FEZ2: variants seen among roughly 807,000 people sequenced by gnomAD.
FEZ2 encodes the protein fasciculation and elongation protein zeta 2, also known as fasciculation and elongation protein zeta-2.
In FEZ2, 51 loss-of-function variants were observed where a neutral mutation model predicts 40.4. The ratio of observed to expected loss-of-function variants is 1.26; its 90% confidence interval spans 1.01 to 1.59. The LOEUF is 1.59. Among genes scored for constraint, FEZ2 ranks in the 40% most tolerant of loss-of-function variants. FEZ2 has a pLI of 0.00. For missense variants in FEZ2, 640 were observed against 438.3 expected, an observed-to-expected ratio of 1.46 and a Z score of -4.11; for synonymous variants, 242 against 172.0, an observed-to-expected ratio of 1.41 and a Z score of -3.18.
intron 1 of FEZ2, among the ~76,000 whole-genome samples, chr2:36,597,187 G>A (rs976253017): frequency 6.6e-6 from 1 of 151,934 alleles, no homozygotes; most frequent in Non-Finnish European, 1.5e-5. Flanking sequence ...CCTAAATGCT[G>A]CCTCGCACGT....
chr2:36,578,455 A>G, intron 5 of FEZ2, 142 bp downstream of exon 5: 1 of 900,518 alleles, frequency 1.1e-6, no homozygotes. Flanking sequence ...GTATTCTGGA[A>G]TAAAATCCCA....
At chr2:36,563,902 T>C (rs941223425) in intron 5 of FEZ2, among the ~76,000 whole-genome samples, 1 of 152,192 alleles carries the variant, frequency 6.6e-6, no homozygotes, top group Non-Finnish European at 1.5e-5. Context: ...TTGCTTCTTC[T>C]AAGAGGGGCC....
chr2:36,563,390 G>A (rs1224292317), intron 5 of FEZ2, among the ~76,000 whole-genome samples: 2 of 152,064 alleles, frequency 1.3e-5, no homozygotes, highest in Non-Finnish European at 2.9e-5. Context: ...CAGCTGACAA[G>A]ACCCTACTGT....
intron 6 of FEZ2, chr2:36,556,954 G>C (rs749172907): frequency 1.3e-5 from 2 of 152,134 alleles, no homozygotes; most frequent in East Asian, 3.9e-4. Context: ...ATTCCAAACT[G>C]TGACAACCTA....
chr2:36,591,289 G>C (rs1669065841), intron 1 of FEZ2: 1 of 418,014 alleles, frequency 2.4e-6, no homozygotes, highest in African/African-American at 2.0e-5. Context: ...TTAGGTGCTA[G>C]GCACTGTTCT....
intron 2 of FEZ2, among the ~76,000 whole-genome samples, chr2:36,585,087 T>C (rs1668863977): frequency 6.6e-6 from 1 of 151,800 alleles, no homozygotes; most frequent in African/African-American, 2.4e-5. Context: ...AAGGAGAATC[T>C]AAAAGCTTCC....
chr2:36,589,382 G>A lies in FEZ2; in HGVS notation c.375+1521C>T, dbSNP rs1045400541. On this transcript the variant is annotated intron_variant, in intron 2 of 7. Transcript: ENST00000405912. The stretch of plus-strand genomic sequence containing the variant: ...CTAGAGGGGAGTGTGTTTTCCTTCC[G>A]TGCAGGAATTTAGGCCATGGCTAAA... 4.6e-5 allele frequency among the ~76,000 whole-genome samples: 7 copies of A among 152,302 alleles called. No individual in the cohort carries two copies. The South Asian group carries it at 6.2e-4, about 14-fold the overall frequency.
chr2:36,568,990 A>C (rs1315659952), intron 5 of FEZ2, among the ~76,000 whole-genome samples: 1 of 152,210 alleles, frequency 6.6e-6, no homozygotes, highest in African/African-American at 2.4e-5. Flanking sequence ...ATCCTTGCAA[A>C]GCTCAGAAAA....
At position 36,598,133 on chromosome 2, in the gene FEZ2, CCGCCGCCAT is replaced by C; in HGVS notation, c.1_9del (p.MetAlaAla1_?3). The C allele has an allele frequency of 6.8e-7, 1 of 1,478,424 alleles. No homozygotes were observed. Among genetic ancestry groups the C allele is most frequent in the Non-Finnish European group, 8.9e-7 (1 of 1,122,276 alleles). The allele number at this position is 1,478,424 out of a possible 1,614,324, so 91.6% of individuals were successfully genotyped here. ...TCATAGAAATCCTGCCAGTCCCCGT[CCGCCGCCAT>C]CGCCGCCCGGAGCAGTCGCGCGCCC... On this transcript the variant is annotated start_lost and inframe_deletion, in exon 1 of 8. Coordinates refer to ENST00000405912, the MANE Select transcript of FEZ2 (RefSeq NM_005102.3).
intron 5 of FEZ2, among the ~76,000 whole-genome samples, chr2:36,567,649 C>A (rs1337533119): frequency 6.6e-6 from 1 of 151,938 alleles, no homozygotes; most frequent in Non-Finnish European, 1.5e-5. Flanking sequence ...GTAATCCCAG[C>A]TACTCGAGAG....
chr2:36,592,294 G>A (rs879739901), intron 1 of FEZ2, among the ~76,000 whole-genome samples: 80 of 151,918 alleles, frequency 5.3e-4, no homozygotes, highest in African/African-American at 1.6e-3. Context: ...TTTAAGTTCC[G>A]GGGTACATGG....
chr2:36,585,042 C>T (rs1165333170), intron 2 of FEZ2, among the ~76,000 whole-genome samples: 1 of 151,950 alleles, frequency 6.6e-6, no homozygotes, highest in Non-Finnish European at 1.5e-5. Context: ...TGACCTTCAA[C>T]ACAGCATCAT....
intron 7 of FEZ2, among the ~76,000 whole-genome samples, chr2:36,553,430 T>G (rs553648405): frequency 2.0e-5 from 3 of 152,128 alleles, no homozygotes; most frequent in African/African-American, 7.2e-5. Flanking sequence ...CACTTGGAGA[T>G]AGAAGCCCCT....
chr2:36,581,373 G>A lies in FEZ2; in HGVS notation c.551C>T (p.Thr184Ile). ...TGAAAGCCGATCTGACTGTGTAGGGGTTTCATCATCTTCTGGGTCCGGTGA... is the reference window on the plus strand; with the variant it reads ...TGAAAGCCGATCTGACTGTGTAGGGATTTCATCATCTTCTGGGTCCGGTGA... Reference protein sequence around the residue: ...QESPDPEDDETPTQSDRLSML... With the variant: ...QESPDPEDDEIPTQSDRLSML... The change falls in exon 4 of 8, where the codon ACC becomes ATC. Residue 184 changes from threonine (T) to isoleucine (I), a missense_variant. Physicochemically the swap from Thr to Ile is moderately conservative, Grantham distance 89 (BLOSUM62 -1). Transcript: ENST00000405912. 1 of 1,613,130 alleles carries A rather than the reference G, an allele frequency of 6.2e-7. No homozygotes were observed. Among genetic ancestry groups the A allele is most frequent in the Non-Finnish European group, 8.5e-7 (1 of 1,179,200 alleles).
At chr2:36,596,587 C>T (rs1052689342) in intron 1 of FEZ2, among the ~76,000 whole-genome samples, 1 of 152,220 alleles carries the variant, frequency 6.6e-6, no homozygotes, top group Non-Finnish European at 1.5e-5. Flanking sequence ...CTCCGGGCAG[C>T]TGGGTCCGTG....
intron 5 of FEZ2, among the ~76,000 whole-genome samples, chr2:36,574,772 G>A (rs1213979916): frequency 6.6e-6 from 1 of 152,156 alleles, no homozygotes; most frequent in Non-Finnish European, 1.5e-5. Context: ...ATACATGTAG[G>A]TCACCATAGT....
At chr2:36,593,408 C>A (rs1453111123) in intron 1 of FEZ2, among the ~76,000 whole-genome samples, 1 of 152,096 alleles carries the variant, frequency 6.6e-6, no homozygotes, top group Non-Finnish European at 1.5e-5. Context: ...GAGGGCCCTG[C>A]CCCTGCAACA....
chr2:36,595,808 G>A (rs866172855), intron 1 of FEZ2, among the ~76,000 whole-genome samples: 3 of 152,172 alleles, frequency 2.0e-5, no homozygotes, highest in Non-Finnish European at 2.9e-5. Context: ...CAAGTCAAGA[G>A]ACATGCATTA....
At chr2:36,587,894 T>C (rs2125240103) in intron 2 of FEZ2, among the ~76,000 whole-genome samples, 1 of 152,310 alleles carries the variant, frequency 6.6e-6, no homozygotes, top group Non-Finnish European at 1.5e-5. Context: ...ACTCAGTGTG[T>C]GCTAATCCTC....
Sources: gnomAD v4.1 joint callset for allele counts (sites outside exome capture counted in the v4.1 genomes callset) on GRCh38, gnomAD v4.1.1 for gene constraint, MANE v1.5 for transcripts, NCBI Gene and HGNC (gene_info 2026-07-23, HGNC 2026-07-21) for gene names.